The following PAIP1 variants were observed in gnomAD, a reference collection of about 807,000 sequenced individuals.
The protein encoded by PAIP1 is poly(A) binding protein interacting protein 1, also known as polyadenylate-binding protein-interacting protein 1.
In PAIP1, 16 loss-of-function variants were observed where a neutral mutation model predicts 61.3. That is an observed-to-expected ratio of 0.26 (90% confidence interval 0.18 to 0.40). The LOEUF (loss-of-function observed/expected upper bound fraction) is 0.40, where lower values mean the gene tolerates loss of function less well. Among genes scored for constraint, PAIP1 ranks in the 10% least tolerant of loss-of-function variants. The pLI is 1.00. For missense variants in PAIP1, 416 were observed against 600.9 expected (o/e 0.69, Z 3.22); for synonymous variants, 187 against 226.2 (o/e 0.83, Z 1.56).
chr5:43,532,760 C>T (rs1746990710), intron 9 of PAIP1, among the ~76,000 whole-genome samples: 1 of 152,120 alleles, frequency 6.6e-6, no homozygotes, highest in African/African-American at 2.4e-5. Context: ...AATTACAGAT[C>T]AGTAAGACAG....
At chr5:43,554,279 C>CCTG (rs1747979560) in intron 2 of PAIP1, among the ~76,000 whole-genome samples, 3 of 152,210 alleles carry the variant, frequency 2.0e-5, no homozygotes, top group Non-Finnish European at 4.4e-5. Flanking sequence ...TAAATGGGAA[C>CCTG]CTGCTTGTAG....
At chr5:43,529,669 G>C (rs1255248229) in intron 10 of PAIP1, 117 bp downstream of exon 10, 4 of 706,452 alleles carry the variant, frequency 5.7e-6, no homozygotes, top group Non-Finnish European at 1.0e-5. Flanking sequence ...TGGGATTACA[G>C]GCACGAGCCA....
Position 43,547,902 on chromosome 5 carries a change from C to T in PAIP1, c.447G>A (p.Glu149=), listed in dbSNP as rs1278377756. 6.2e-7 allele frequency: 1 copy of T among 1,605,476 alleles called. No homozygotes were observed. The highest frequency in any genetic ancestry group is 1.3e-5 in the African/African-American group (1 of 74,526). ...GYSSSYTESY[E]DGCEDYPTLS... Reference sequence around the variant, plus strand: ...GAGTAGGATAATCCTCACAACCATCCTCATAGGATTCCTACGGATCAAAAA... The same window carrying T: ...GAGTAGGATAATCCTCACAACCATCTTCATAGGATTCCTACGGATCAAAAA... The change falls in exon 3 of 11, where the codon GAG becomes GAA. Residue 149 remains glutamate, a synonymous_variant. Transcript: ENST00000306846.
At position 43,555,918 on chromosome 5, in the gene PAIP1, G is replaced by A. The variant is rs781589612; in HGVS notation, c.347C>T (p.Pro116Leu). The A allele has an allele frequency of 1.5e-5, 24 of 1,613,936 alleles. No individual in the cohort carries two copies. Among genetic ancestry groups the A allele is most frequent in the Non-Finnish European group, 1.9e-5 (23 of 1,179,856 alleles). ...QQNSESAMAK[P>L]QVVVAPVLMS... ...TAATACAGGAGCTACAACCACCTGG[G>A]GCTTAGCCATTGCTGACTCCGAGTT... Residue 116 changes from proline (P) to leucine (L), a missense_variant, in exon 2 of 11, where the codon CCC (proline) becomes CTC (leucine). Transcript: ENST00000306846.
intron 2 of PAIP1, among the ~76,000 whole-genome samples, chr5:43,549,758 C>T (rs2111583465): frequency 6.6e-6 from 1 of 152,142 alleles, no homozygotes; most frequent in African/African-American, 2.4e-5. Flanking sequence ...CTCGCTCTGT[C>T]ACCCAGGCTG....
intron 2 of PAIP1, among the ~76,000 whole-genome samples, chr5:43,548,884 G>GA (rs919404626): frequency 8.6e-5 from 13 of 150,744 alleles, no homozygotes; most frequent in African/African-American, 1.2e-4. Flanking sequence ...GTGCATAGAA[G>GA]AAAAAAAAAG....
At chr5:43,544,141 C>CT (rs1157358918) in intron 3 of PAIP1, among the ~76,000 whole-genome samples, 914 of 52,382 alleles carry the variant, frequency 0.017, 19 homozygotes, top group Middle Eastern at 0.059. Context: ...AAGCCCCCAT[C>CT]TTTTTAAAAA....
At chr5:43,536,474 T>C (rs754324019) in intron 6 of PAIP1, among the ~76,000 whole-genome samples, 3 of 152,104 alleles carry the variant, frequency 2.0e-5, no homozygotes, top group Non-Finnish European at 4.4e-5. Flanking sequence ...CTCTGTGCCA[T>C]GGAAAAATCT....
In PAIP1 at chr5:43,534,772, G is replaced by A. The variant is rs1747077726; in HGVS notation, c.1197+81C>T. On this transcript the variant is annotated intron_variant, in intron 8 of 10. Coordinates refer to ENST00000306846, the MANE Select transcript of PAIP1 (RefSeq NM_006451.5). ...ACAGTTATTAGGCACTGAATTCTGA[G>A]AACAGCTTTATGTAGCTCTTCTAAT... The A allele has an allele frequency of 5.1e-6, 4 of 784,988 alleles. No individual in the cohort carries two copies. The Admixed American group carries it at 7.5e-5, about 15-fold the overall frequency. The allele number at this position is 784,988 out of a possible 1,614,324, so 48.6% of individuals were successfully genotyped here.
intron 6 of PAIP1, among the ~76,000 whole-genome samples, chr5:43,536,197 G>A (rs1579911118): frequency 6.6e-6 from 1 of 152,106 alleles, no homozygotes; most frequent in East Asian, 1.9e-4. Flanking sequence ...CTATACTCTG[G>A]TTCAGCATTT....
At chr5:43,552,102 T>C (rs957568066) in intron 2 of PAIP1, among the ~76,000 whole-genome samples, 28 of 152,194 alleles carry the variant, frequency 1.8e-4, no homozygotes, top group Non-Finnish European at 3.7e-4. Context: ...GTAGGTACTC[T>C]ATATACATTG....
chr5:43,528,624 A>G (rs1271300984), intron 10 of PAIP1, among the ~76,000 whole-genome samples: 2 of 152,182 alleles, frequency 1.3e-5, no homozygotes, highest in African/African-American at 2.4e-5. Context: ...CTATTAAACT[A>G]GAATATAGAA....
chr5:43,539,999 T>G (rs1380082437), intron 4 of PAIP1, among the ~76,000 whole-genome samples: 1 of 152,248 alleles, frequency 6.6e-6, no homozygotes, highest in Non-Finnish European at 1.5e-5. Flanking sequence ...CTATGGGTAC[T>G]GAATGGTTTC....
intron 4 of PAIP1, 94 bp downstream of exon 4, chr5:43,542,910 T>C: frequency 1.5e-6 from 1 of 679,706 alleles, no homozygotes; most frequent in Admixed American, 2.5e-5. Flanking sequence ...TGCCCTATTC[T>C]TTCCTGCAGC....
chr5:43,550,593 C>T (rs1747824214), intron 2 of PAIP1, among the ~76,000 whole-genome samples: 1 of 151,926 alleles, frequency 6.6e-6, no homozygotes, highest in African/African-American at 2.4e-5. Context: ...TAACCTAGAA[C>T]ATTTTGAGGT....
intron 5 of PAIP1, among the ~76,000 whole-genome samples, chr5:43,537,383 A>G (rs1747197848): frequency 6.6e-6 from 1 of 152,180 alleles, no homozygotes. Context: ...CCATTGACCT[A>G]GCATCATTAT....
intron 10 of PAIP1, among the ~76,000 whole-genome samples, chr5:43,529,410 T>C (rs980707108): frequency 7.6e-5 from 11 of 144,284 alleles, no homozygotes; most frequent in African/African-American, 2.8e-4. Context: ...TCAAAATGCC[T>C]TTTTTTTTTT....
chr5:43,540,591 A>G (rs1016108295), intron 4 of PAIP1, among the ~76,000 whole-genome samples: 1 of 152,250 alleles, frequency 6.6e-6, no homozygotes, highest in African/African-American at 2.4e-5. Flanking sequence ...TACTACTAAA[A>G]ACAAGAGATA....
At chr5:43,531,653 T>C (rs1468742850) in intron 9 of PAIP1, among the ~76,000 whole-genome samples, 5 of 11,186 alleles carry the variant, frequency 4.5e-4, no homozygotes, top group Admixed American at 1.6e-3. Context: ...TGAGACTCTG[T>C]CTCAAAAAAA....
Sources: gnomAD v4.1 joint callset for allele counts (sites outside exome capture counted in the v4.1 genomes callset) on GRCh38, gnomAD v4.1.1 for gene constraint, MANE v1.5 for transcripts, NCBI Gene and HGNC (gene_info 2026-07-23, HGNC 2026-07-21) for gene names.